Variants in TEX36 observed in about 807,000 individuals in gnomAD.
TEX36 encodes testis-expressed protein 36.
A neutral mutation model predicts 13.6 loss-of-function variants in TEX36; 12 were observed. The observed-to-expected ratio is 0.88, with a 90% CI of 0.56 to 1.43. The LOEUF (loss-of-function observed/expected upper bound fraction) is 1.43, where lower values mean the gene tolerates loss of function less well. Among genes scored for constraint, TEX36 ranks in the 40% most tolerant of loss-of-function variants. The pLI is 0.00. For synonymous variants in TEX36, 93 were observed against 83.0 expected (o/e 1.12, Z -0.65); for missense variants, 224 against 228.3 (o/e 0.98, Z 0.12).
chr10:125,581,778 T>G (rs1845886140), intron 3 of TEX36, among the ~76,000 whole-genome samples: 1 of 152,196 alleles, frequency 6.6e-6, no homozygotes, highest in Admixed American at 6.5e-5. Context: ...CACTGGGGGA[T>G]GTAGGGTGGT....
chr10:125,655,827 A>T lies in TEX36; in HGVS notation c.*73T>A. On this transcript the variant is annotated 3_prime_UTR_variant, in exon 4 of 4. Transcript: ENST00000368821. ...AAAAATTAAATAGTGGTGCTGGATC[A>T]GAAAACATATACTTTTAGGATGTCT... is the stretch of plus-strand genomic sequence containing the variant. 7.2e-7 allele frequency: 1 copy of T among 1,385,794 alleles called. No homozygotes were observed. Among genetic ancestry groups the T allele is most frequent in the East Asian group, 2.6e-5 (1 of 38,256 alleles). The allele number at this position is 1,385,794 out of a possible 1,614,324, so 85.8% of individuals were successfully genotyped here.
intron 3 of TEX36, among the ~76,000 whole-genome samples, chr10:125,648,877 C>T (rs1224380369): frequency 3.3e-5 from 5 of 151,948 alleles, no homozygotes; most frequent in African/African-American, 4.8e-5. Flanking sequence ...CTTCAGTAGC[C>T]GATTCGATCA....
At chr10:125,670,300 G>A (rs922261278) in intron 1 of TEX36, among the ~76,000 whole-genome samples, 4 of 152,212 alleles carry the variant, frequency 2.6e-5, no homozygotes, top group African/African-American at 9.7e-5. Flanking sequence ...ACTGGCATCA[G>A]ATGGTATCTC....
At chr10:125,611,505 G>T (rs773109388) in intron 3 of TEX36, among the ~76,000 whole-genome samples, 3 of 152,122 alleles carry the variant, frequency 2.0e-5, no homozygotes, top group Admixed American at 2.0e-4. Flanking sequence ...GTATTTACTT[G>T]TTTTAATGTG....
intron 3 of TEX36, among the ~76,000 whole-genome samples, chr10:125,584,086 C>T (rs1845915863): frequency 6.6e-6 from 1 of 152,204 alleles, no homozygotes; most frequent in African/African-American, 2.4e-5. Context: ...CAAAAAAGGT[C>T]CCACCTGGCA....
chr10:125,609,162 AACAAAAC>A (rs869155514), intron 3 of TEX36, among the ~76,000 whole-genome samples: 16 of 61,196 alleles, frequency 2.6e-4, no homozygotes, highest in East Asian at 4.0e-4. Flanking sequence ...CTCAGGAAAA[AACAAAAC>A]AAAAAAAAAA....
At chr10:125,588,862 T>A (rs944803251) in intron 3 of TEX36, among the ~76,000 whole-genome samples, 11 of 152,296 alleles carry the variant, frequency 7.2e-5, no homozygotes, top group African/African-American at 2.6e-4. Flanking sequence ...GTGACCCACA[T>A]GCCTTGGCCT....
chr10:125,611,954 A>G (rs1412919812), intron 3 of TEX36, among the ~76,000 whole-genome samples: 2 of 151,960 alleles, frequency 1.3e-5, no homozygotes, highest in African/African-American at 4.8e-5. Context: ...CACTTTGCAC[A>G]ATGGCAGTAT....
At chr10:125,629,445 C>G (rs1846526155) in intron 3 of TEX36, among the ~76,000 whole-genome samples, 1 of 152,008 alleles carries the variant, frequency 6.6e-6, no homozygotes, top group Non-Finnish European at 1.5e-5. Context: ...GTAATTGCTT[C>G]TTTTTTCAAA....
At chr10:125,621,865 A>G (rs1002378338) in intron 3 of TEX36, among the ~76,000 whole-genome samples, 3 of 152,194 alleles carry the variant, frequency 2.0e-5, no homozygotes, top group Non-Finnish European at 4.4e-5. Context: ...GAAGGAAGCC[A>G]GAAGACCCAG....
chr10:125,628,293 C>A (rs1180865749), intron 3 of TEX36, among the ~76,000 whole-genome samples: 2 of 152,182 alleles, frequency 1.3e-5, no homozygotes, highest in African/African-American at 4.8e-5. Flanking sequence ...CATGTTCTGT[C>A]GAAAATGATT....
At chr10:125,667,492 C>T (rs1336475067) in intron 1 of TEX36, 6 of 725,716 alleles carry the variant, frequency 8.3e-6, no homozygotes, top group Non-Finnish European at 1.6e-5. Flanking sequence ...GTTCCCCAAT[C>T]TTCAGAACAC....
At chr10:125,672,578 A>G (rs1333148399) in intron 1 of TEX36, among the ~76,000 whole-genome samples, 1 of 152,206 alleles carries the variant, frequency 6.6e-6, no homozygotes, top group Admixed American at 6.5e-5. Context: ...AGTAAATGCC[A>G]TGTGGCACCA....
chr10:125,576,529 T>C (rs2133516764), exon 4 of TEX36: 1 of 585,476 alleles, frequency 1.7e-6, no homozygotes, highest in Non-Finnish European at 2.9e-6. Context: ...TCATTCTTCC[T>C]GCCAGGGAGA....
At chr10:125,614,844 T>A (rs1245785573) in intron 3 of TEX36, among the ~76,000 whole-genome samples, 2 of 152,210 alleles carry the variant, frequency 1.3e-5, no homozygotes, top group East Asian at 3.8e-4. Flanking sequence ...TTGATGGGGA[T>A]GGCATTGAAT....
At chr10:125,653,206 T>A (rs1267249560), downstream of TEX36, among the ~76,000 whole-genome samples, 9 of 152,154 alleles carry the variant, frequency 5.9e-5, no homozygotes, top group African/African-American at 1.9e-4. Context: ...ATTGTGGCAC[T>A]ATTCACAATA....
At position 125,615,866 on chromosome 10, in the gene TEX36, TC is replaced by T. The variant is rs1450036082; in HGVS notation, c.265-38993del. On this transcript the variant is annotated intron_variant, in intron 3 of 3. Transcript: ENST00000532135. ...TAGTTTCAGAAGGAAAGGTACCAGT[TC>T]CCCCTGGTACCTCTGCTAGAATTCG... Among the ~76,000 whole-genome samples the T allele has an allele frequency of 7.2e-5, 11 of 152,288 alleles. No individual in the cohort carries two copies. In the South Asian group the frequency reaches 2.3e-3, roughly 32 times the overall value.
At chr10:125,662,758 A>C (rs1449712298) in intron 1 of TEX36, among the ~76,000 whole-genome samples, 1 of 152,166 alleles carries the variant, frequency 6.6e-6, no homozygotes, top group African/African-American at 2.4e-5. Flanking sequence ...CCCCAGAAGA[A>C]GGCGTGACCC....
intron 3 of TEX36, chr10:125,576,928 T>C (rs779257308): frequency 2.1e-4 from 327 of 1,532,970 alleles, no homozygotes; most frequent in Non-Finnish European, 2.8e-4. Flanking sequence ...CTTAAATCCT[T>C]GTAGTTCAGC....
Sources: allele counts gnomAD v4.1 joint callset (sites outside exome capture counted in the v4.1 genomes callset), GRCh38; gene constraint gnomAD v4.1.1; transcripts MANE v1.5; gene names NCBI Gene and HGNC (gene_info 2026-07-23, HGNC 2026-07-21).